Variants in PPP3CA observed in about 807,000 individuals in gnomAD.
The protein encoded by PPP3CA is CAM-PRP catalytic subunit.
In PPP3CA, 14 loss-of-function variants were observed where a neutral mutation model predicts 66.5. That is an observed-to-expected ratio of 0.21 (90% CI 0.14 to 0.33). The LOEUF (loss-of-function observed/expected upper bound fraction) is 0.33, where lower values mean the gene tolerates loss of function less well. Ranked by LOEUF, PPP3CA falls within the 10% of genes least tolerant of loss-of-function variation. The pLI is 1.00. For synonymous variants in PPP3CA, 232 were observed against 226.2 expected, an observed-to-expected ratio of 1.03 and a Z score of -0.23; for missense variants, 317 against 639.5, an observed-to-expected ratio of 0.50 and a Z score of 5.44.
rs781200614 is a variant in PPP3CA at position 101,083,242 on chromosome 4, G to A, written c.804C>T (p.Phe268=). Residue 268 remains phenylalanine (F), a synonymous_variant, in exon 7 of 14, where the codon TTC becomes TTT. Transcript: ENST00000394854. ...YFYSYPAVCE[F]LQHNNLLSIL... Reference sequence around the variant, plus strand: ...TAGATAACAAGTTATTGTGCTGTAAGAATTCACATACAGCCGGGTAACTGC... The same window carrying A: ...TAGATAACAAGTTATTGTGCTGTAAAAATTCACATACAGCCGGGTAACTGC... The A allele has an allele frequency of 6.2e-7, 1 of 1,609,084 alleles. No individual in the cohort carries two copies. Among genetic ancestry groups the A allele is most frequent in the Non-Finnish European group, 8.5e-7 (1 of 1,177,202 alleles).
intron 2 of PPP3CA, among the ~76,000 whole-genome samples, chr4:101,114,652 C>T (rs903880121): frequency 9.9e-5 from 15 of 152,072 alleles, no homozygotes; most frequent in African/African-American, 3.6e-4. Context: ...TAATCAACTA[C>T]TAATTAAGGC....
chr4:101,274,441 A>C (rs1727429099), intron 1 of PPP3CA, among the ~76,000 whole-genome samples: 1 of 152,242 alleles, frequency 6.6e-6, no homozygotes, highest in African/African-American at 2.4e-5. Context: ...ATCCAAAATT[A>C]ACAAATCTTC....
Position 101,042,557 on chromosome 4 carries a change from G to T in PPP3CA, c.1157-1991C>A, listed in dbSNP as rs191858631. ...TTCTGATAATTAAGCAAAACCATGG[G>T]TTCTCATTCACTGTAAGTTCCTTGA... On this transcript the variant is annotated intron_variant, in intron 10 of 13. Coordinates refer to ENST00000394854, the MANE Select transcript of PPP3CA (RefSeq NM_000944.5). Among the ~76,000 whole-genome samples, 127 of 152,232 alleles carry T rather than the reference G, an allele frequency of 8.3e-4. 2 individuals carry two copies. The highest frequency in any genetic ancestry group is 3.4e-3 in the Middle Eastern group (1 of 294).
chr4:101,320,820 T>A (rs1350701045), intron 1 of PPP3CA, among the ~76,000 whole-genome samples: 1 of 152,134 alleles, frequency 6.6e-6, no homozygotes, highest in Non-Finnish European at 1.5e-5. Flanking sequence ...AGAGATTATA[T>A]GATTCTGATG....
chr4:101,322,434 A>C (rs532783158), intron 1 of PPP3CA, among the ~76,000 whole-genome samples: 1 of 143,206 alleles, frequency 7.0e-6, no homozygotes, highest in African/African-American at 2.6e-5. Context: ...TTTTGAGACC[A>C]GAGTCCCACT....
intron 1 of PPP3CA, among the ~76,000 whole-genome samples, chr4:101,227,036 A>G (rs1204470639): frequency 1.3e-5 from 2 of 151,824 alleles, no homozygotes; most frequent in African/African-American, 4.8e-5. Context: ...TTCCAAAAAT[A>G]AAACAAATGT....
At chr4:101,212,631 GA>G (rs902237996) in intron 1 of PPP3CA, among the ~76,000 whole-genome samples, 11 of 151,782 alleles carry the variant, frequency 7.2e-5, no homozygotes, top group African/African-American at 2.2e-4. Context: ...GTTGAAGGGG[GA>G]AAAAAAGAAC....
At chr4:101,200,403 G>A (rs1724930378) in intron 1 of PPP3CA, among the ~76,000 whole-genome samples, 1 of 152,026 alleles carries the variant, frequency 6.6e-6, no homozygotes, top group Non-Finnish European at 1.5e-5. Context: ...TTACTTATAT[G>A]GTATCAATCA....
chr4:101,339,841 T>G (rs1729755878), intron 1 of PPP3CA, among the ~76,000 whole-genome samples: 1 of 152,124 alleles, frequency 6.6e-6, no homozygotes, highest in Non-Finnish European at 1.5e-5. Flanking sequence ...CCAAGACACA[T>G]AGTTTAGACA....
intron 1 of PPP3CA, among the ~76,000 whole-genome samples, chr4:101,311,797 C>G (rs1183723458): frequency 1.3e-5 from 2 of 152,022 alleles, no homozygotes; most frequent in East Asian, 3.9e-4. Flanking sequence ...AAAATGATAC[C>G]ATCGCTCAGT....
At chr4:101,051,923 TA>T (rs1263054177) in intron 10 of PPP3CA, among the ~76,000 whole-genome samples, 1 of 152,148 alleles carries the variant, frequency 6.6e-6, no homozygotes, top group African/African-American at 2.4e-5. Flanking sequence ...AAATACAGTG[TA>T]AAATCTGGAG....
intron 2 of PPP3CA, among the ~76,000 whole-genome samples, chr4:101,168,267 A>G (rs985559541): frequency 1.3e-5 from 2 of 152,320 alleles, no homozygotes; most frequent in African/African-American, 2.4e-5. Context: ...GTTGTGTGTA[A>G]TAAGATGGAA....
At chr4:101,278,140 T>TAAAAAAAAAAAAAAAAAAAAAAAAAAAA (rs1394423187) in intron 1 of PPP3CA, among the ~76,000 whole-genome samples, 11 of 118,752 alleles carry the variant, frequency 9.3e-5, no homozygotes, top group East Asian at 4.5e-4. Flanking sequence ...AAAAAAAAAA[T>TAAAAAAAAAAAAAAAAAAAAAAAAAAAA]AAAAAAATTA....
chr4:101,326,737 C>G (rs1456490177), intron 1 of PPP3CA, among the ~76,000 whole-genome samples: 1 of 152,226 alleles, frequency 6.6e-6, no homozygotes, highest in Non-Finnish European at 1.5e-5. Context: ...AACACCACTT[C>G]TAGCTGCTAT....
chr4:101,244,607 C>T (rs768337502), intron 1 of PPP3CA, among the ~76,000 whole-genome samples: 4 of 152,148 alleles, frequency 2.6e-5, no homozygotes, highest in Admixed American at 6.6e-5. Flanking sequence ...AGACAAGAGA[C>T]GCCTACAGCT....
chr4:101,035,261 C>T (rs2850606), intron 11 of PPP3CA, among the ~76,000 whole-genome samples: 113,826 of 151,616 alleles, frequency 0.75, 44,422 homozygotes, highest in African/African-American at 0.89. Flanking sequence ...AGAGCGAGAC[C>T]GTCTTAAAAC....
At chr4:101,224,406 C>T (rs1725718038) in intron 1 of PPP3CA, among the ~76,000 whole-genome samples, 1 of 151,844 alleles carries the variant, frequency 6.6e-6, no homozygotes, top group Non-Finnish European at 1.5e-5. Context: ...ACTCCTTCTT[C>T]TCTGCATTTC....
At chr4:101,154,083 G>A (rs543728043) in intron 2 of PPP3CA, among the ~76,000 whole-genome samples, 1 of 152,254 alleles carries the variant, frequency 6.6e-6, no homozygotes, top group Non-Finnish European at 1.5e-5. Context: ...AGTTTTTTAT[G>A]AAGTACCACA....
At chr4:101,334,211 T>C (rs1578200389) in intron 1 of PPP3CA, among the ~76,000 whole-genome samples, 1 of 152,106 alleles carries the variant, frequency 6.6e-6, no homozygotes, top group Non-Finnish European at 1.5e-5. Flanking sequence ...CTCTGCTCAC[T>C]GCAACCTCCA....
Sources: allele counts gnomAD v4.1 joint callset (sites outside exome capture counted in the v4.1 genomes callset), GRCh38; gene constraint gnomAD v4.1.1; transcripts MANE v1.5; gene names NCBI Gene and HGNC (gene_info 2026-07-23, HGNC 2026-07-21).